The following PKHD1 variants were observed in gnomAD, a reference collection of about 807,000 sequenced individuals.
PKHD1 encodes the protein PKHD1 ciliary IPT domain containing fibrocystin/polyductin, also known as fibrocystin.
In PKHD1, 291 loss-of-function variants were observed where a neutral mutation model predicts 412.0. The observed-to-expected ratio is 0.71, with a 90% CI of 0.64 to 0.78. The LOEUF is 0.78. Ranked by LOEUF, PKHD1 falls within the 30% of genes least tolerant of loss-of-function variation. PKHD1 has a pLI of 0.00. For missense variants in PKHD1, 4,825 were observed against 4,950.7 expected, an observed-to-expected ratio of 0.97 and a Z score of 0.76; for synonymous variants, 1,777 against 1,821.5, an observed-to-expected ratio of 0.98 and a Z score of 0.62.
chr6:51,904,958 G>A (rs898473120), intron 41 of PKHD1, among the ~76,000 whole-genome samples: 14 of 152,250 alleles, frequency 9.2e-5, no homozygotes, highest in African/African-American at 3.4e-4. Context: ...TTCTGCACCT[G>A]ATCACCTCAG....
At chr6:51,745,383 A>G (rs1372022228) in intron 59 of PKHD1, among the ~76,000 whole-genome samples, 1 of 152,052 alleles carries the variant, frequency 6.6e-6, no homozygotes. Context: ...TGAAGAGAGT[A>G]CTCTCTTGCC....
chr6:51,764,598 T>A (rs1788651914), intron 55 of PKHD1, among the ~76,000 whole-genome samples: 2 of 151,188 alleles, frequency 1.3e-5, no homozygotes, highest in Non-Finnish European at 2.9e-5. Flanking sequence ...CATGCTGCTA[T>A]AAAGACACAT....
At chr6:51,814,694 C>T (rs1003955380) in intron 52 of PKHD1, among the ~76,000 whole-genome samples, 1 of 152,118 alleles carries the variant, frequency 6.6e-6, no homozygotes, top group Admixed American at 6.5e-5. Context: ...CCACAGGAGG[C>T]CTGTCAACTG....
intron 57 of PKHD1, among the ~76,000 whole-genome samples, chr6:51,751,442 T>C (rs1477102406): frequency 3.9e-5 from 6 of 152,244 alleles, no homozygotes; most frequent in South Asian, 2.1e-4. Context: ...TTCATGGTCA[T>C]GTACCAATGT....
intron 60 of PKHD1, among the ~76,000 whole-genome samples, chr6:51,664,424 C>A (rs1773380949): frequency 6.6e-6 from 1 of 152,192 alleles, no homozygotes; most frequent in African/African-American, 2.4e-5. Context: ...CCCTTGCACA[C>A]CCTGGAGAGT....
At chr6:52,063,225 G>C (rs1808949647) in intron 13 of PKHD1, among the ~76,000 whole-genome samples, 2 of 152,130 alleles carry the variant, frequency 1.3e-5, no homozygotes, top group Admixed American at 1.3e-4. Flanking sequence ...TTTATATTTT[G>C]TGTTAAGCAA....
chr6:51,816,047 CA>C (rs1434875382), intron 52 of PKHD1, among the ~76,000 whole-genome samples: 2 of 152,024 alleles, frequency 1.3e-5, no homozygotes, highest in Non-Finnish European at 2.9e-5. Flanking sequence ...AAGTAAGTGC[CA>C]AATATTCCTT....
rs1385712943 is a variant in PKHD1, at chr6:52,054,037, C to A, written c.1964+1G>T. ...ACCACGCCTCCCCACCGATTAGCTA[C>A]CTCTCGGGGCTGGTCCTCGTGAGAC... On this transcript the variant is annotated splice_donor_variant, in intron 20 of 66. Coordinates refer to ENST00000371117, the MANE Select transcript of PKHD1 (RefSeq NM_138694.4). LOFTEE classifies it high-confidence loss of function. 1.9e-6 allele frequency: 3 copies of A among 1,613,730 alleles called. No homozygotes were observed. Among genetic ancestry groups the A allele is most frequent in the Non-Finnish European group, 2.5e-6 (3 of 1,179,826 alleles).
At chr6:51,902,976 T>C (rs956293420) in intron 43 of PKHD1, among the ~76,000 whole-genome samples, 9 of 152,162 alleles carry the variant, frequency 5.9e-5, no homozygotes, top group Non-Finnish European at 1.2e-4. Flanking sequence ...TATGGCCACA[T>C]TAACATAGTA....
At chr6:51,626,869 G>A in intron 66 of PKHD1, 128 bp downstream of exon 66, 1 of 928,776 alleles carries the variant, frequency 1.1e-6, no homozygotes, top group African/African-American at 1.6e-5. Flanking sequence ...TTCTTTGAAG[G>A]AAAGTAACAA....
In PKHD1 at chr6:51,766,282, C is replaced by T. The variant is rs116030624; in HGVS notation, c.8642+6420G>A. ...ATCAAGATAGCTACCTATCATTTCA[C>T]CAACAGGGATCCTTGCTGTGCTGTA... On this transcript the variant is annotated intron_variant, in intron 55 of 66. Transcript: ENST00000371117. Among the ~76,000 whole-genome samples, 450 of 152,180 alleles carry T rather than the reference C, an allele frequency of 3.0e-3. 2 individuals are homozygous for T. Among genetic ancestry groups the T allele is most frequent in the African/African-American group, 0.01 (433 of 41,554 alleles).
chr6:51,829,400 C>T (rs1196813849), intron 52 of PKHD1, among the ~76,000 whole-genome samples: 1 of 152,120 alleles, frequency 6.6e-6, no homozygotes, highest in Non-Finnish European at 1.5e-5. Flanking sequence ...GCTTGGCAAC[C>T]TTCAAAAGCT....
At chr6:51,872,415 GTT>G (rs34630629) in intron 46 of PKHD1, among the ~76,000 whole-genome samples, 1 of 148,972 alleles carries the variant, frequency 6.7e-6, no homozygotes. Context: ...TTGTTTTTTG[GTT>G]TTTTTTTTTG....
chr6:51,981,274 G>T (rs554992499), intron 35 of PKHD1, among the ~76,000 whole-genome samples: 1 of 139,920 alleles, frequency 7.1e-6, no homozygotes, highest in African/African-American at 2.6e-5. Context: ...AAGGCACTGC[G>T]GTACAGAGCC....
At chr6:51,940,948 C>T (rs1271661579) in intron 36 of PKHD1, among the ~76,000 whole-genome samples, 1 of 151,460 alleles carries the variant, frequency 6.6e-6, no homozygotes, top group Non-Finnish European at 1.5e-5. Context: ...TAGGCCGAGA[C>T]ATTTTAATTG....
chr6:51,892,061 C>T (rs750074501), intron 43 of PKHD1, among the ~76,000 whole-genome samples: 9 of 152,196 alleles, frequency 5.9e-5, no homozygotes, highest in Non-Finnish European at 1.0e-4. Context: ...TGTAAATAGA[C>T]AGCCATTTCT....
intron 43 of PKHD1, among the ~76,000 whole-genome samples, chr6:51,901,688 C>A (rs200884400): frequency 8.0e-5 from 8 of 100,628 alleles, no homozygotes; most frequent in Admixed American, 1.1e-4. Flanking sequence ...GAAAAAAAAA[C>A]TTAAAAAAAA....
At chr6:51,829,551 C>A (rs904334905) in intron 52 of PKHD1, among the ~76,000 whole-genome samples, 1 of 152,140 alleles carries the variant, frequency 6.6e-6, no homozygotes, top group East Asian at 1.9e-4. Flanking sequence ...GAATGACTCA[C>A]GAGCTTGTTT....
In PKHD1 at chr6:51,813,938, A is replaced by G. The variant is rs148174855; in HGVS notation, c.8302+16923T>C. 2.0e-5 allele frequency among the ~76,000 whole-genome samples: 3 copies of G among 152,094 alleles called. No homozygotes were observed. The East Asian group carries it at 5.8e-4, about 29-fold the overall frequency. On this transcript the variant is annotated intron_variant, in intron 52 of 66. Coordinates refer to ENST00000371117, the MANE Select transcript of PKHD1 (RefSeq NM_138694.4). ...CATGAGTCTTTGGTCCTGATTCTCC[A>G]TTTCCTTTGGAGGGAAAAAAAAAGT...
Sources: gnomAD v4.1 joint callset for allele counts (sites outside exome capture counted in the v4.1 genomes callset) on GRCh38, gnomAD v4.1.1 for gene constraint, MANE v1.5 for transcripts, NCBI Gene and HGNC (gene_info 2026-07-23, HGNC 2026-07-21) for gene names.